The following USP15 variants were observed in gnomAD, a reference collection of about 807,000 sequenced individuals.
USP15 encodes ubiquitin carboxyl-terminal hydrolase 15.
Under a neutral mutation model 127.1 loss-of-function variants are expected in USP15, and 18 were observed. The observed-to-expected ratio is 0.14, with a 90% CI of 0.10 to 0.21. The LOEUF is 0.21. Among genes scored for constraint, USP15 ranks in the 10% least tolerant of loss-of-function variants. USP15 has a pLI of 1.00. For synonymous variants in USP15, 364 were observed against 393.7 expected (o/e 0.92, Z 0.89); for missense variants, 805 against 1,159.9 (o/e 0.69, Z 4.44).
intron 1 of USP15, among the ~76,000 whole-genome samples, chr12:62,292,220 T>A (rs1009347292): frequency 2.0e-5 from 3 of 152,192 alleles, no homozygotes; most frequent in African/African-American, 7.2e-5. Context: ...TGTTTCCCTC[T>A]CACACTCCTA....
chr12:62,300,569 A>G (rs984820887), intron 2 of USP15, among the ~76,000 whole-genome samples: 6 of 151,900 alleles, frequency 3.9e-5, no homozygotes, highest in African/African-American at 1.4e-4. Context: ...CAAATACATC[A>G]GTTGACCAGA....
At chr12:62,399,604 T>C (rs1180407844) in intron 20 of USP15, among the ~76,000 whole-genome samples, 1 of 152,200 alleles carries the variant, frequency 6.6e-6, no homozygotes, top group Non-Finnish European at 1.5e-5. Context: ...CTTGAGTTCA[T>C]ATATTGAGAA....
intron 2 of USP15, among the ~76,000 whole-genome samples, chr12:62,295,593 G>A (rs1279837739): frequency 7.2e-5 from 11 of 151,954 alleles, no homozygotes; most frequent in Non-Finnish European, 1.5e-4. Context: ...CACAAGACAT[G>A]GAAAAAATTA....
intron 6 of USP15, among the ~76,000 whole-genome samples, chr12:62,344,793 C>T (rs2065762370): frequency 6.6e-6 from 1 of 152,224 alleles, no homozygotes; most frequent in African/African-American, 2.4e-5. Context: ...AGGCCCAACA[C>T]CACATGGAAG....
chr12:62,276,306 A>G (rs1186810349), intron 1 of USP15, among the ~76,000 whole-genome samples: 1 of 152,100 alleles, frequency 6.6e-6, no homozygotes, highest in Non-Finnish European at 1.5e-5. Flanking sequence ...TGTATAAGAA[A>G]TTTAGCCTGT....
intron 20 of USP15, among the ~76,000 whole-genome samples, chr12:62,397,482 AATTT>A (rs1183347035): frequency 6.6e-6 from 1 of 151,846 alleles, no homozygotes; most frequent in Non-Finnish European, 1.5e-5. Flanking sequence ...TAGGTTTTTC[AATTT>A]ATTTAAGAAT....
intron 3 of USP15, among the ~76,000 whole-genome samples, chr12:62,308,437 T>C (rs1031619210): frequency 6.6e-6 from 1 of 152,072 alleles, no homozygotes; most frequent in Admixed American, 6.6e-5. Context: ...TGGTGGTATG[T>C]CACTTCTGAG....
intron 1 of USP15, among the ~76,000 whole-genome samples, chr12:62,285,997 A>T (rs1053529881): frequency 2.6e-5 from 4 of 151,862 alleles, no homozygotes; most frequent in Admixed American, 6.6e-5. Flanking sequence ...ATGCTTTTTC[A>T]CTGTGGTTTT....
intron 5 of USP15, 62 bp from the exon 6 acceptor site, chr12:62,325,810 T>C (rs889717102): frequency 7.1e-7 from 1 of 1,401,782 alleles, no homozygotes; most frequent in Non-Finnish European, 9.9e-7. Context: ...CCAGCTATCT[T>C]CTAAAGTTAT....
chr12:62,273,960 A>G (rs1368522571), intron 1 of USP15, among the ~76,000 whole-genome samples: 1 of 152,120 alleles, frequency 6.6e-6, no homozygotes, highest in African/African-American at 2.4e-5. Context: ...ATCCTCTGCT[A>G]TCTCACTTTT....
intron 20 of USP15, among the ~76,000 whole-genome samples, chr12:62,400,117 T>C (rs1565918024): frequency 6.6e-6 from 1 of 152,176 alleles, no homozygotes; most frequent in Non-Finnish European, 1.5e-5. Context: ...CACATATAAT[T>C]ATTTTGGAAA....
intron 6 of USP15, among the ~76,000 whole-genome samples, chr12:62,334,951 C>G (rs1018536106): frequency 6.6e-6 from 1 of 152,126 alleles, no homozygotes; most frequent in Non-Finnish European, 1.5e-5. Flanking sequence ...TAGGGAAATT[C>G]AGATACTACA....
At chr12:62,389,551 A>T (rs1404712610) in intron 12 of USP15, 37 bp downstream of exon 12, 2 of 1,611,346 alleles carry the variant, frequency 1.2e-6, no homozygotes. Flanking sequence ...ATAAGTTGGT[A>T]TTTAGTTTCT....
At chr12:62,358,657 A>C (rs1001266334) in intron 8 of USP15, among the ~76,000 whole-genome samples, 8 of 152,146 alleles carry the variant, frequency 5.3e-5, no homozygotes, top group African/African-American at 1.4e-4. Flanking sequence ...CAGAGGTTGC[A>C]GTGAGCCAAG....
chr12:62,305,614 A>G lies in USP15; in HGVS notation c.348+2694A>G, dbSNP rs375720961. 2.6e-5 allele frequency: 4 copies of G among 152,230 alleles called. No homozygotes were observed. In the East Asian group the frequency reaches 7.7e-4, roughly 29 times the overall value. The allele number at this position is 152,230 out of a possible 1,614,324, so 9.4% of individuals were successfully genotyped here. ...AAAACAGTGTAGACTGACAAAATGT[A>G]AATGTTGTGAGTAAGTCTTAAGATG... On this transcript the variant is annotated intron_variant, in intron 3 of 21. Transcript: ENST00000280377.
intron 8 of USP15, among the ~76,000 whole-genome samples, chr12:62,372,104 A>G (rs1026910637): frequency 6.6e-6 from 1 of 152,208 alleles, no homozygotes; most frequent in African/African-American, 2.4e-5. Flanking sequence ...ACACTGCATT[A>G]GAAAAAATTA....
chr12:62,393,346 G>T, intron 19 of USP15, 144 bp downstream of exon 19: 1 of 818,298 alleles, frequency 1.2e-6, no homozygotes. Context: ...AGTTCTAACA[G>T]TTTATAAGGA....
intron 8 of USP15, among the ~76,000 whole-genome samples, chr12:62,357,468 A>G (rs1210913652): frequency 1.3e-5 from 2 of 152,088 alleles, no homozygotes; most frequent in Non-Finnish European, 2.9e-5. Flanking sequence ...TCTATTGCAG[A>G]CACTCCTAAT....
chr12:62,412,783 A>ACTGAGGT lies in USP15; in HGVS notation c.*8409_*8415dup, dbSNP rs2068068405. On this transcript the variant is annotated 3_prime_UTR_variant, in exon 22 of 22. Coordinates refer to ENST00000280377, the MANE Select transcript of USP15 (RefSeq NM_001252078.2). ...CACCGCATCTGCAGTTACTGCCGCC[A>ACTGAGGT]CTGAGGTTTTGAACTTCTCAAAGTC... 6.6e-6 allele frequency: 1 copy of ACTGAGGT among 152,188 alleles called. No individual in the cohort carries two copies. The highest frequency in any genetic ancestry group is 2.4e-5 in the African/African-American group (1 of 41,450). 9.4% of individuals were successfully genotyped at this position (152,188 alleles called of 1,614,324 possible).
Sources: gnomAD v4.1 joint callset for allele counts (sites outside exome capture counted in the v4.1 genomes callset) on GRCh38, gnomAD v4.1.1 for gene constraint, MANE v1.5 for transcripts, NCBI Gene and HGNC (gene_info 2026-07-23, HGNC 2026-07-21) for gene names.